RPN1: variants seen among roughly 807,000 people sequenced by gnomAD.
The protein encoded by RPN1 is dolichyl-diphosphooligosaccharide--protein glycosyltransferase subunit 1.
Under a neutral mutation model 55.5 loss-of-function variants are expected in RPN1, and 12 were observed. The observed-to-expected ratio is 0.22, with a 90% CI of 0.14 to 0.35. The LOEUF (loss-of-function observed/expected upper bound fraction) is 0.35. RPN1 is among the 10% of genes least tolerant of loss of function. RPN1 has a pLI of 1.00. For missense variants in RPN1, 679 were observed against 761.3 expected (o/e 0.89, Z 1.27); for synonymous variants, 317 against 305.9 (o/e 1.04, Z -0.38).
Position 128,620,017 on chromosome 3 carries a change from A to T in RPN1, c.*394T>A. The T allele has an allele frequency of 5.2e-6, 1 of 192,650 alleles. No individual in the cohort carries two copies. The highest frequency in any genetic ancestry group is 1.1e-5 in the Non-Finnish European group (1 of 93,790). 11.9% of individuals were successfully genotyped at this position (192,650 alleles called of 1,614,324 possible). On this transcript the variant is annotated 3_prime_UTR_variant, in exon 10 of 10. Transcript: ENST00000296255. ...TTTCCATTTGTTCACACACGCTTTA[A>T]AAAAAAAAAAAAAAACACATGCACT... is the stretch of plus-strand genomic sequence containing the variant.
Position 128,637,857 on chromosome 3 carries a change from G to C in RPN1, c.575C>G (p.Thr192Arg). 2 of 1,614,022 alleles carry C rather than the reference G, an allele frequency of 1.2e-6. No individual in the cohort carries two copies. Among genetic ancestry groups the C allele is most frequent in the Non-Finnish European group, 1.7e-6 (2 of 1,180,038 alleles). ...ATAATCCAGTAGGTCCTCAGAGCGC[G>C]TGGGGTTCCCCAGCTTGGTGTAGCT... ...VESYTKLGNPTRSEDLLDYGP... is the reference protein window; with the variant it reads ...VESYTKLGNPRRSEDLLDYGP... Residue 192 changes from threonine to arginine, a missense_variant, in exon 3 of 10, where the codon ACG (threonine) becomes AGG (arginine). Physicochemically the swap from Thr to Arg is moderately conservative, Grantham distance 71. Coordinates refer to ENST00000296255, the MANE Select transcript of RPN1 (RefSeq NM_002950.4).
At chr3:128,637,060 G>T (rs1402259915) in intron 3 of RPN1, among the ~76,000 whole-genome samples, 1 of 151,882 alleles carries the variant, frequency 6.6e-6, no homozygotes, top group African/African-American at 2.4e-5. Flanking sequence ...AATAAAGCAA[G>T]ATCCCGTCTC....
chr3:128,631,861 A>C (rs2069644503), intron 4 of RPN1, 87 bp downstream of exon 4: 9 of 1,427,156 alleles, frequency 6.3e-6, no homozygotes, highest in African/African-American at 1.4e-5. Context: ...CAACTGCCTA[A>C]ATATTTAGCT....
chr3:128,631,854 C>A, intron 4 of RPN1, 94 bp downstream of exon 4: 1 of 1,358,802 alleles, frequency 7.4e-7, no homozygotes, highest in South Asian at 1.3e-5. Flanking sequence ...CCCTAAACAA[C>A]TGCCTAAATA....
At chr3:128,640,134 T>A (rs765205591) in intron 2 of RPN1, among the ~76,000 whole-genome samples, 9 of 151,812 alleles carry the variant, frequency 5.9e-5, no homozygotes, top group Non-Finnish European at 5.9e-5. Context: ...ATTGTGCCAC[T>A]GCACTCCAGC....
intron 1 of RPN1, 148 bp downstream of exon 1, chr3:128,650,392 G>A: frequency 1.3e-6 from 1 of 778,184 alleles, no homozygotes; most frequent in East Asian, 3.2e-5. Flanking sequence ...GGGCCCCGAG[G>A]CAATCCCACG....
intron 2 of RPN1, chr3:128,641,070 T>G (rs1023948124): frequency 2.6e-5 from 4 of 151,992 alleles, no homozygotes; most frequent in African/African-American, 9.7e-5. Flanking sequence ...AACACAGAAC[T>G]GTCTAAACTG....
chr3:128,637,699 T>C, intron 3 of RPN1, 100 bp downstream of exon 3: 1 of 1,248,414 alleles, frequency 8.0e-7, no homozygotes, highest in Non-Finnish European at 1.1e-6. Flanking sequence ...TGACTGCAGA[T>C]TTCATCCACC....
intron 1 of RPN1, among the ~76,000 whole-genome samples, chr3:128,648,933 T>C (rs527618868): frequency 6.6e-6 from 1 of 152,326 alleles, no homozygotes; most frequent in African/African-American, 2.4e-5. Context: ...TAACTTAACC[T>C]GACAGACTAC....
chr3:128,622,450 T>C (rs1338730894), intron 8 of RPN1, 41 bp from the exon 9 acceptor site: 1 of 1,611,814 alleles, frequency 6.2e-7, no homozygotes, highest in East Asian at 2.2e-5. Context: ...ACATCCAGGC[T>C]TGGGTCCACT....
Position 128,631,959 on chromosome 3 carries a change from G to A in RPN1, c.832C>T (p.Arg278Cys). The A allele has an allele frequency of 2.5e-6, 4 of 1,614,116 alleles. No individual in the cohort carries two copies. Among genetic ancestry groups the A allele is most frequent in the South Asian group, 1.1e-5 (1 of 91,080 alleles). The change falls in exon 4 of 10, where the codon CGT (arginine) becomes TGT (cysteine). Residue 278 changes from arginine (R) to cysteine (C), a missense_variant. Physicochemically the swap from Arg to Cys is radical, Grantham distance 180. Coordinates refer to ENST00000296255, the MANE Select transcript of RPN1 (RefSeq NM_002950.4). ...TGAACATTCCATACCTTAAAAGAACGGATGGAGGATATTCCACTATCTGGC... is the reference window on the plus strand; with the variant it reads ...TGAACATTCCATACCTTAAAAGAACAGATGGAGGATATTCCACTATCTGGC... ...RQPDSGISSI[R>C]SFKTILPAAA...
At chr3:128,627,371 G>A (rs2712371) in intron 5 of RPN1, 94,035 of 153,604 alleles carry the variant, frequency 0.61, 28,976 homozygotes, top group East Asian at 0.77. Flanking sequence ...CTCAAAAACC[G>A]CACAGAGGAA....
rs553434907 is a variant in RPN1 at position 128,645,000 on chromosome 3, T to G, written c.262-17A>C. On this transcript the variant is annotated splice_polypyrimidine_tract_variant and intron_variant, in intron 1 of 9. Coordinates refer to ENST00000296255, the MANE Select transcript of RPN1 (RefSeq NM_002950.4). Reference sequence around the variant, plus strand: ...TCCCTTTACCTACAACAGAAAAAGATAGTTTATTATTCATGTCTTTTGGCT... The same window carrying G: ...TCCCTTTACCTACAACAGAAAAAGAGAGTTTATTATTCATGTCTTTTGGCT... 6.8e-7 allele frequency: 1 copy of G among 1,466,120 alleles called. No individual in the cohort carries two copies. The highest frequency in any genetic ancestry group is 1.4e-5 in the African/African-American group (1 of 72,092). 90.8% of individuals were successfully genotyped at this position (1,466,120 alleles called of 1,614,324 possible). A position where few individuals can be genotyped will look rare whatever the true frequency, so the allele number is the denominator to read the frequency against.
intron 6 of RPN1, 53 bp from the exon 7 acceptor site, chr3:128,626,065 CA>C: frequency 1.3e-6 from 2 of 1,527,696 alleles, no homozygotes; most frequent in South Asian, 1.3e-5. Flanking sequence ...ATCAATAAAC[CA>C]GATTTAGGAT....
chr3:128,630,887 G>T (rs6789381), intron 4 of RPN1, among the ~76,000 whole-genome samples: 3,723 of 146,188 alleles, frequency 0.025, 98 homozygotes, highest in African/African-American at 0.073. Flanking sequence ...GCCGAGGCGG[G>T]CGGATCACAA....
chr3:128,639,860 TA>T (rs2069712173), intron 2 of RPN1, among the ~76,000 whole-genome samples: 1 of 152,184 alleles, frequency 6.6e-6, no homozygotes, highest in South Asian at 2.1e-4. Flanking sequence ...GTGCTGGGAT[TA>T]CAGGCATGAG....
chr3:128,625,904 AT>A lies in RPN1; in HGVS notation c.1244del (p.Asn415IlefsTer3). ...GRPVIVAYKK[N>X]LVEQHIQDIV... ...TGTCCTGAATGTGCTGTTCTACCAGATTTTTCTTGTAGGCAACAATCACAGG... is the reference window on the plus strand; with the variant it reads ...TGTCCTGAATGTGCTGTTCTACCAGATTTTCTTGTAGGCAACAATCACAGG... On this transcript the variant is annotated frameshift_variant, in exon 7 of 10. Transcript: ENST00000296255. LOFTEE classifies it high-confidence loss of function. 1 of 1,613,568 alleles carries A rather than the reference AT, an allele frequency of 6.2e-7. No individual in the cohort carries two copies. The highest frequency in any genetic ancestry group is 8.5e-7 in the Non-Finnish European group (1 of 1,179,752).
chr3:128,628,859 G>A (rs532926949), intron 5 of RPN1, among the ~76,000 whole-genome samples: 1 of 152,154 alleles, frequency 6.6e-6, no homozygotes, highest in South Asian at 2.1e-4. Flanking sequence ...GCGGGTGCCT[G>A]TAGTCTCAGC....
Position 128,629,978 on chromosome 3 carries a change from G to C in RPN1, c.1009C>G (p.Pro337Ala), listed in dbSNP as rs777171863. The C allele has an allele frequency of 1.9e-5, 30 of 1,612,002 alleles. 2 individuals are homozygous for C. The South Asian group carries it at 3.3e-4, about 18-fold the overall frequency. ...KTHYIVGYNLPSYEYLYNLGD... is the reference protein window; with the variant it reads ...KTHYIVGYNLASYEYLYNLGD... ...AAATTATAGAGGTACTCATAGCTTG[G>C]GAGGTTGTAGCCAACGATGTAATGG... The change falls in exon 5 of 10, where the codon CCA (proline) becomes GCA (alanine). Residue 337 changes from proline (P) to alanine (A), a missense_variant. Coordinates refer to ENST00000296255, the MANE Select transcript of RPN1 (RefSeq NM_002950.4).
Sources: gnomAD v4.1 joint callset for allele counts (sites outside exome capture counted in the v4.1 genomes callset) on GRCh38, gnomAD v4.1.1 for gene constraint, MANE v1.5 for transcripts, NCBI Gene and HGNC (gene_info 2026-07-23, HGNC 2026-07-21) for gene names.